The following CDH4 variants were observed in gnomAD, a reference collection of about 807,000 sequenced individuals.
CDH4 encodes the protein cadherin-4.
CDH4 carries 33 observed loss-of-function variants against 86.0 expected under a neutral mutation model. That is an observed-to-expected ratio of 0.38 (90% CI 0.29 to 0.51). CDH4 has a LOEUF of 0.51. Among genes scored for constraint, CDH4 ranks in the 20% least tolerant of loss-of-function variants. The pLI, the probability that CDH4 is intolerant of heterozygous loss-of-function variation, is 0.86. For missense variants in CDH4, 1,114 were observed against 1,307.4 expected, an observed-to-expected ratio of 0.85 and a Z score of 2.28; for synonymous variants, 555 against 549.4, an observed-to-expected ratio of 1.01 and a Z score of -0.14.
chr20:61,851,079 G>C (rs112280018), intron 5 of CDH4, among the ~76,000 whole-genome samples: 294 of 152,354 alleles, frequency 1.9e-3, no homozygotes, highest in African/African-American at 6.8e-3. Context: ...GCTGCAGATG[G>C]GTCGGGGATG....
chr20:61,559,420 A>C (rs2086199612), intron 2 of CDH4, among the ~76,000 whole-genome samples: 1 of 152,110 alleles, frequency 6.6e-6, no homozygotes, highest in Non-Finnish European at 1.5e-5. Flanking sequence ...AGCCACCTGC[A>C]AGAGACGGCG....
At chr20:61,817,259 C>T (rs963529786) in intron 4 of CDH4, among the ~76,000 whole-genome samples, 9 of 152,312 alleles carry the variant, frequency 5.9e-5, no homozygotes, top group African/African-American at 1.7e-4. Flanking sequence ...CAGGGGCCCC[C>T]GAGTGAGTGC....
intron 4 of CDH4, among the ~76,000 whole-genome samples, chr20:61,828,075 C>G (rs1053659224): frequency 1.3e-5 from 2 of 152,052 alleles, no homozygotes; most frequent in Non-Finnish European, 2.9e-5. Context: ...GGAAGTTGCA[C>G]CTCATAAAGT....
At chr20:61,862,250 A>G (rs900460189) in intron 6 of CDH4, among the ~76,000 whole-genome samples, 2 of 152,148 alleles carry the variant, frequency 1.3e-5, no homozygotes, top group Admixed American at 6.5e-5. Flanking sequence ...AGTTCTGAGC[A>G]CAGAGACCCC....
chr20:61,599,926 C>G, intron 2 of CDH4: 1 of 985,524 alleles, frequency 1.0e-6, no homozygotes, highest in Non-Finnish European at 1.2e-6. Flanking sequence ...GAAGGAGTCC[C>G]AGCCACAGGG....
chr20:61,402,771 ACTAT>A (rs891585873), intron 2 of CDH4, among the ~76,000 whole-genome samples: 1 of 152,244 alleles, frequency 6.6e-6, no homozygotes, highest in African/African-American at 2.4e-5. Flanking sequence ...TGGAGGGCTG[ACTAT>A]CTACATAGCA....
intron 2 of CDH4, among the ~76,000 whole-genome samples, chr20:61,694,848 G>A (rs368084690): frequency 5.9e-5 from 9 of 152,346 alleles, no homozygotes; most frequent in Admixed American, 1.3e-4. Context: ...GAGCGCTGGC[G>A]ATACGCGGCA....
At chr20:61,658,319 A>G (rs1387424974) in intron 2 of CDH4, among the ~76,000 whole-genome samples, 3 of 151,332 alleles carry the variant, frequency 2.0e-5, no homozygotes, top group Admixed American at 1.3e-4. Flanking sequence ...GGGATCCAAC[A>G]TGTCTGCAAC....
intron 2 of CDH4, among the ~76,000 whole-genome samples, chr20:61,349,055 T>G (rs554658109): frequency 3.8e-4 from 58 of 152,338 alleles, no homozygotes; most frequent in African/African-American, 1.3e-3. Context: ...CTTCCTGTTT[T>G]ATTTTATGCT....
Position 61,807,714 on chromosome 20 carries a change from A to G in CDH4, c.576+34532A>G, listed in dbSNP as rs549830412. On this transcript the variant is annotated intron_variant, in intron 4 of 15. Coordinates refer to ENST00000614565, the MANE Select transcript of CDH4 (RefSeq NM_001794.5). The surrounding 1 kb of genome is among the most constrained non-coding windows in gnomAD (Gnocchi z 4.5). ...CGGCTCTTCAGACTCAAACGGTGTG[A>G]TGAACAAACCGACTCGGAAAATGCC... Among the ~76,000 whole-genome samples the G allele has an allele frequency of 6.6e-6, 1 of 152,218 alleles. No homozygotes were observed. Among genetic ancestry groups the G allele is most frequent in the Non-Finnish European group, 1.5e-5 (1 of 68,038 alleles).
intron 2 of CDH4, among the ~76,000 whole-genome samples, chr20:61,281,732 A>G (rs145431483): frequency 7.3e-4 from 111 of 152,296 alleles, no homozygotes; most frequent in Admixed American, 2.0e-3. Context: ...CAAACCAAAG[A>G]GGGGCATTCC....
chr20:61,359,897 A>G (rs1222316700), intron 2 of CDH4, among the ~76,000 whole-genome samples: 2 of 152,228 alleles, frequency 1.3e-5, no homozygotes, highest in South Asian at 2.1e-4. Flanking sequence ...AAGGCAACAG[A>G]TGAAACAAAT....
chr20:61,379,304 C>T (rs1020655126), intron 2 of CDH4, among the ~76,000 whole-genome samples: 1 of 152,016 alleles, frequency 6.6e-6, no homozygotes, highest in Non-Finnish European at 1.5e-5. Context: ...TCAGTGAGGT[C>T]TTGGGAATGC....
chr20:61,700,498 G>C (rs914241716), intron 2 of CDH4, among the ~76,000 whole-genome samples: 1 of 152,164 alleles, frequency 6.6e-6, no homozygotes, highest in African/African-American at 2.4e-5. Flanking sequence ...TTGGTAGCAC[G>C]TCAGCCCAGA....
intron 6 of CDH4, among the ~76,000 whole-genome samples, chr20:61,857,702 G>A (rs1255854953): frequency 1.3e-5 from 2 of 152,252 alleles, no homozygotes. Context: ...TGAGATAATT[G>A]TAGAGTCACA....
intron 8 of CDH4, among the ~76,000 whole-genome samples, chr20:61,904,157 G>T (rs989552890): frequency 6.6e-6 from 1 of 152,186 alleles, no homozygotes; most frequent in South Asian, 2.1e-4. Flanking sequence ...CCGAGCTGGC[G>T]GGAGCCGTCA....
At position 61,920,597 on chromosome 20, in the gene CDH4, G is replaced by A. The variant is rs537066968; in HGVS notation, c.1375-2854G>A. Among the ~76,000 whole-genome samples, 123 of 135,604 alleles carry A rather than the reference G, an allele frequency of 9.1e-4. 1 individual carries two copies. The highest frequency in any genetic ancestry group is 3.5e-3 in the Admixed American group (47 of 13,574). The allele number at this position is 135,604 out of a possible 152,430, so 89.0% of individuals were successfully genotyped here. On this transcript the variant is annotated intron_variant, in intron 9 of 15. Transcript: ENST00000614565. ...AAATGTGGTGTGATTGCGTGGAAGC[G>A]TGGTGTCACAGTGATTGCATGGAAG...
intron 2 of CDH4, among the ~76,000 whole-genome samples, chr20:61,578,474 A>G (rs570329010): frequency 1.6e-4 from 24 of 152,354 alleles, no homozygotes; most frequent in African/African-American, 5.8e-4. Context: ...ACTCTGAGCA[A>G]TGTGTGAAAA....
chr20:61,260,286 C>A (rs1045480946), intron 2 of CDH4, among the ~76,000 whole-genome samples: 8 of 152,180 alleles, frequency 5.3e-5, no homozygotes, highest in South Asian at 4.1e-4. Context: ...TTGCAGAGAG[C>A]ATGTCATGAA....
Sources: gnomAD v4.1 joint callset for allele counts (sites outside exome capture counted in the v4.1 genomes callset) on GRCh38, gnomAD v4.1.1 for gene constraint, Gnocchi (gnomAD v3.1) non-coding constraint, MANE v1.5 for transcripts, NCBI Gene and HGNC (gene_info 2026-07-23, HGNC 2026-07-21) for gene names.